SESN2: variants seen among roughly 807,000 people sequenced by gnomAD.
The protein encoded by SESN2 is sestrin 2, also known as sestrin-2.
In SESN2, 42 loss-of-function variants were observed where a neutral mutation model predicts 56.0. That is an observed-to-expected ratio of 0.75 (90% CI 0.59 to 0.97). The LOEUF (loss-of-function observed/expected upper bound fraction) is 0.97. Among genes scored for constraint, SESN2 ranks in the 50% least tolerant of loss-of-function variants. SESN2 has a pLI of 0.00. For synonymous variants in SESN2, 264 were observed against 267.1 expected (o/e 0.99, Z 0.11); for missense variants, 507 against 649.4 (o/e 0.78, Z 2.38).
At position 28,282,285 on chromosome 1, in the gene SESN2, T is replaced by G. The variant is rs1648275967; in HGVS notation, c.*1483T>G. The G allele has an allele frequency of 6.6e-6, 1 of 152,182 alleles. No homozygotes were observed. 9.4% of individuals were successfully genotyped at this position (152,182 alleles called of 1,614,324 possible). The stretch of plus-strand genomic sequence containing the variant: ...CGCGGAGAAGCAACCGGCACCCCCT[T>G]CCGGCCTGAAAGCCCTCCCTGCAAG... On this transcript the variant is annotated 3_prime_UTR_variant, in exon 10 of 10. Transcript: ENST00000253063.
chr1:28,275,040 G>A, intron 8 of SESN2, 25 bp downstream of exon 8: 2 of 1,569,688 alleles, frequency 1.3e-6, no homozygotes, highest in African/African-American at 2.7e-5. Flanking sequence ...CTTCATTTGG[G>A]GCATGTGTGC....
chr1:28,269,236 C>A lies in SESN2; in HGVS notation c.144C>A (p.Ile48=), dbSNP rs1310328978. The A allele has an allele frequency of 6.2e-7, 1 of 1,611,884 alleles. No individual in the cohort carries two copies. Among genetic ancestry groups the A allele is most frequent in the Non-Finnish European group, 8.5e-7 (1 of 1,178,850 alleles). Residue 48 remains isoleucine, a synonymous_variant, in exon 2 of 10, where the codon ATC becomes ATA. Coordinates refer to ENST00000253063, the MANE Select transcript of SESN2 (RefSeq NM_031459.5). ...GCCCTCGAGGGCCCAGCGCCTTCATCCCCGTGGAGGAGGTAAGCTTGGAAG... is the reference window on the plus strand; with the variant it reads ...GCCCTCGAGGGCCCAGCGCCTTCATACCCGTGGAGGAGGTAAGCTTGGAAG... ...RRGPRGPSAF[I]PVEEVLREGA... is the part of the protein sequence containing the mutation.
intron 2 of SESN2, 136 bp from the exon 3 acceptor site, chr1:28,271,538 C>T (rs1186931607): frequency 9.4e-6 from 6 of 640,064 alleles, no homozygotes; most frequent in African/African-American, 9.1e-5. Flanking sequence ...ATATGTGATC[C>T]TCCCCATTCT....
At position 28,279,162 on chromosome 1, in the gene SESN2, A is replaced by G; in HGVS notation, c.1277A>G (p.Lys426Arg). 6.2e-7 allele frequency: 1 copy of G among 1,614,190 alleles called. No individual in the cohort carries two copies. The highest frequency in any genetic ancestry group is 8.5e-7 in the Non-Finnish European group (1 of 1,180,008). Reference protein sequence around the residue: ...LLERNLKVYIKTVACYPEKTT... With the variant: ...LLERNLKVYIRTVACYPEKTT... ...GAGCGGAACCTCAAGGTCTATATCA[A>G]GACAGTGGCCTGCTACCCAGAGAAG... The change falls in exon 9 of 10, where the codon AAG becomes AGG. Residue 426 changes from lysine (K) to arginine (R), a missense_variant. By Grantham distance (26) the Lys-to-Arg change is conservative. Transcript: ENST00000253063.
At chr1:28,264,164 C>A (rs1183295046) in intron 1 of SESN2, among the ~76,000 whole-genome samples, 8 of 150,520 alleles carry the variant, frequency 5.3e-5, no homozygotes, top group Non-Finnish European at 1.2e-4. Context: ...ACTAAAAATA[C>A]AAAAATTAGC....
rs1222821289 is a variant in SESN2, at chr1:28,271,859, C to T, written c.342C>T (p.Tyr114=). 6.2e-7 allele frequency: 1 copy of T among 1,614,186 alleles called. No individual in the cohort carries two copies. The highest frequency in any genetic ancestry group is 8.5e-7 in the Non-Finnish European group (1 of 1,180,032). Residue 114 remains tyrosine (Y), a synonymous_variant, in exon 3 of 10, where the codon TAC becomes TAT. Coordinates refer to ENST00000253063, the MANE Select transcript of SESN2 (RefSeq NM_031459.5). ...DGPLASSWRH[Y]IAIMAAARHQ... ...CCTTGGCCAGCTCCTGGCGCCACTACATTGCCATCATGGTGAGCCTCTCTG... is the reference window on the plus strand; with the variant it reads ...CCTTGGCCAGCTCCTGGCGCCACTATATTGCCATCATGGTGAGCCTCTCTG...
chr1:28,260,489 C>T (rs1017117433), intron 1 of SESN2, among the ~76,000 whole-genome samples: 2 of 152,180 alleles, frequency 1.3e-5, no homozygotes, highest in Admixed American at 6.5e-5. Flanking sequence ...CACCGCACTC[C>T]TGCTTTGGAG....
At chr1:28,264,315 T>A (rs1410531991) in intron 1 of SESN2, among the ~76,000 whole-genome samples, 2 of 151,486 alleles carry the variant, frequency 1.3e-5, no homozygotes, top group Non-Finnish European at 2.9e-5. Context: ...CGAGACTCCA[T>A]CTCAAAGAAA....
At chr1:28,267,723 T>C (rs1647606179) in intron 1 of SESN2, among the ~76,000 whole-genome samples, 1 of 152,140 alleles carries the variant, frequency 6.6e-6, no homozygotes, top group African/African-American at 2.4e-5. Context: ...GAAGCAGATG[T>C]AGTGAGTACC....
At chr1:28,280,662 G>C (rs1648206626) in intron 9 of SESN2, 54 bp from the exon 10 acceptor site, 1 of 1,374,118 alleles carries the variant, frequency 7.3e-7, no homozygotes. Flanking sequence ...TCTGGGAGGG[G>C]TGTGGGGGTG....
rs2149039374 is a variant in SESN2 at position 28,274,094 on chromosome 1, C to T, written c.956C>T (p.Pro319Leu). 1 of 1,614,130 alleles carries T rather than the reference C, an allele frequency of 6.2e-7. No individual in the cohort carries two copies. Among genetic ancestry groups the T allele is most frequent in the South Asian group, 1.1e-5 (1 of 91,084 alleles). The stretch of plus-strand genomic sequence containing the variant: ...GACATGCTGTGCTTTGTGGAAGACC[C>T]TACTTTCGGATATGAGGACTTCACT... ...HPDMLCFVED[P>L]TFGYEDFTRR... is the part of the protein sequence containing the mutation. Residue 319 changes from proline to leucine, a missense_variant, in exon 7 of 10, where the codon CCT becomes CTT. By Grantham distance (98) the Pro-to-Leu change is moderately conservative (BLOSUM62 -3). Coordinates refer to ENST00000253063, the MANE Select transcript of SESN2 (RefSeq NM_031459.5).
At chr1:28,274,692 C>A in intron 7 of SESN2, 133 bp from the exon 8 acceptor site, 2 of 727,262 alleles carry the variant, frequency 2.8e-6, no homozygotes, top group Non-Finnish European at 4.7e-6. Flanking sequence ...ACCTCTCAGG[C>A]CCAGAGCAAG....
chr1:28,280,899 C>G lies in SESN2; in HGVS notation c.*97C>G. On this transcript the variant is annotated 3_prime_UTR_variant, in exon 10 of 10. Transcript: ENST00000253063. ...TTTTGTGTCCCATGCCCACCCTCCCCACGCTGCAGTGGGCTTGTGTGTGAT... is the reference window on the plus strand; with the variant it reads ...TTTTGTGTCCCATGCCCACCCTCCCGACGCTGCAGTGGGCTTGTGTGTGAT... 2.2e-6 allele frequency: 2 copies of G among 894,188 alleles called. No homozygotes were observed. Among genetic ancestry groups the G allele is most frequent in the South Asian group, 1.4e-5 (1 of 72,064 alleles). The allele number at this position is 894,188 out of a possible 1,614,324, so 55.4% of individuals were successfully genotyped here. A position where few individuals can be genotyped will look rare whatever the true frequency, so the allele number is the denominator to read the frequency against.
rs564534578 is a variant in SESN2, at chr1:28,267,182, G to C, written c.91-2001G>C. Among the ~76,000 whole-genome samples, 8 of 152,280 alleles carry C rather than the reference G, an allele frequency of 5.3e-5. No individual in the cohort carries two copies. The East Asian group carries it at 1.5e-3, about 29-fold the overall frequency. On this transcript the variant is annotated intron_variant, in intron 1 of 9. Coordinates refer to ENST00000253063, the MANE Select transcript of SESN2 (RefSeq NM_031459.5). The stretch of plus-strand genomic sequence containing the variant: ...TTTTTCTTTGGTGAGGGGGAGGGAA[G>C]CTCCAAAGGGGAGTGCTCAGGGATT...
In SESN2 at chr1:28,259,754, C is replaced by A; in HGVS notation, c.-94C>A. 1.0e-6 allele frequency: 1 copy of A among 958,052 alleles called. No homozygotes were observed. Among genetic ancestry groups the A allele is most frequent in the Non-Finnish European group, 1.4e-6 (1 of 698,826 alleles). 59.3% of individuals were successfully genotyped at this position (958,052 alleles called of 1,614,324 possible). A position where few individuals can be genotyped will look rare whatever the true frequency, so the allele number is the denominator to read the frequency against. ...CCCCGGGGTTCTAGAAGCTCCCCGG[C>A]GGCGCCCAGTCCCGGCTTCATTCGG... On this transcript the variant is annotated 5_prime_UTR_variant, in exon 1 of 10. Transcript: ENST00000253063.
chr1:28,274,836 G>C lies in SESN2; in HGVS notation c.1032G>C (p.Trp344Cys). 6.2e-7 allele frequency: 1 copy of C among 1,613,076 alleles called. No homozygotes were observed. The highest frequency in any genetic ancestry group is 8.5e-7 in the Non-Finnish European group (1 of 1,179,320). ...CCCACCTACCTAAGGATTATACCTGGGAAGACCATGGCTACTCGCTGATCC... is the reference window on the plus strand; with the variant it reads ...CCCACCTACCTAAGGATTATACCTGCGAAGACCATGGCTACTCGCTGATCC... ...PPTFRAQDYTWEDHGYSLIQR... is the reference protein window; with the variant it reads ...PPTFRAQDYTCEDHGYSLIQR... The change falls in exon 8 of 10, where the codon TGG (tryptophan) becomes TGC (cysteine). Residue 344 changes from tryptophan to cysteine, a missense_variant. Transcript: ENST00000253063.
At chr1:28,279,329 A>G (rs1470774571) in intron 9 of SESN2, 88 bp downstream of exon 9, 1 of 1,401,254 alleles carries the variant, frequency 7.1e-7, no homozygotes, top group Non-Finnish European at 9.9e-7. Context: ...GAGAGTCCCC[A>G]GACTGAGTCT....
chr1:28,279,062 A>G, intron 8 of SESN2, 35 bp from the exon 9 acceptor site: 1 of 1,611,498 alleles, frequency 6.2e-7, no homozygotes, highest in Non-Finnish European at 8.5e-7. Flanking sequence ...TTGGGAAGAA[A>G]GCATGAGTAA....
intron 8 of SESN2, among the ~76,000 whole-genome samples, chr1:28,275,470 A>G (rs1028373536): frequency 2.6e-5 from 4 of 152,200 alleles, no homozygotes; most frequent in African/African-American, 7.2e-5. Context: ...AAAAATTACA[A>G]TAGGCTGGGC....
Sources: gnomAD v4.1 joint callset for allele counts (sites outside exome capture counted in the v4.1 genomes callset) on GRCh38, gnomAD v4.1.1 for gene constraint, MANE v1.5 for transcripts, NCBI Gene and HGNC (gene_info 2026-07-23, HGNC 2026-07-21) for gene names.